SPIDR: variants seen among roughly 807,000 people sequenced by gnomAD.
SPIDR encodes the protein DNA repair-scaffolding protein.
Under a neutral mutation model 104.6 loss-of-function variants are expected in SPIDR, and 93 were observed. The observed-to-expected ratio is 0.89, with a 90% CI of 0.75 to 1.06. SPIDR has a LOEUF of 1.06. Among genes scored for constraint, SPIDR ranks in the 50% least tolerant of loss-of-function variants. The probability of loss-of-function intolerance (pLI) is 0.00; values close to 1 mark genes in which losing one functional copy is unlikely to be tolerated. For missense variants in SPIDR, 1,154 were observed against 1,111.2 expected (o/e 1.04, Z -0.55); for synonymous variants, 431 against 416.9 (o/e 1.03, Z -0.41).
intron 8 of SPIDR, among the ~76,000 whole-genome samples, chr8:47,492,016 C>T (rs2078801491): frequency 6.6e-6 from 1 of 152,184 alleles, no homozygotes; most frequent in Admixed American, 6.5e-5. Flanking sequence ...TTATGGTTAA[C>T]CATGTGACAC....
chr8:47,503,789 T>C (rs11780811), intron 8 of SPIDR, among the ~76,000 whole-genome samples: 14,792 of 152,174 alleles, frequency 0.097, 951 homozygotes, highest in Non-Finnish European at 0.14. Context: ...TTCCTTTCCA[T>C]GTTTAGTGCT....
At chr8:47,298,065 C>G (rs1193908556) in intron 5 of SPIDR, among the ~76,000 whole-genome samples, 2,750 of 152,238 alleles carry the variant, frequency 0.018, 83 homozygotes, top group African/African-American at 0.064. Context: ...CTAGTTTACA[C>G]TCCCACCAAC....
At position 47,735,739 on chromosome 8, in the gene SPIDR, A is replaced by G; in HGVS notation, c.*289A>G. On this transcript the variant is annotated 3_prime_UTR_variant, in exon 20 of 20. Transcript: ENST00000297423. The stretch of plus-strand genomic sequence containing the variant: ...TCTTCATTTGGTATTTAGGCAATAT[A>G]TGAGAAAAAAATTTTTTTTGTTCAT... 2 of 649,052 alleles carry G rather than the reference A, an allele frequency of 3.1e-6. No individual in the cohort carries two copies. The highest frequency in any genetic ancestry group is 2.2e-5 in the South Asian group (1 of 44,650). 40.2% of individuals were successfully genotyped at this position (649,052 alleles called of 1,614,324 possible). A position where few individuals can be genotyped will look rare whatever the true frequency, so the allele number is the denominator to read the frequency against.
intron 8 of SPIDR, among the ~76,000 whole-genome samples, chr8:47,453,385 C>G (rs927639216): frequency 1.4e-4 from 21 of 152,088 alleles, no homozygotes; most frequent in Non-Finnish European, 1.3e-4. Flanking sequence ...TCATATGGAA[C>G]CAGAGGGGAG....
At chr8:47,435,433 C>G (rs2068117294) in intron 7 of SPIDR, among the ~76,000 whole-genome samples, 1 of 152,002 alleles carries the variant, frequency 6.6e-6, no homozygotes, top group South Asian at 2.1e-4. Context: ...AGTTATTCAG[C>G]AAATGTTGTT....
intron 10 of SPIDR, among the ~76,000 whole-genome samples, chr8:47,639,197 A>T (rs1219702455): frequency 2.0e-5 from 3 of 152,186 alleles, no homozygotes. Flanking sequence ...AGTACATGGG[A>T]GGGAAGGTGG....
At chr8:47,355,888 C>T (rs778021641) in intron 5 of SPIDR, among the ~76,000 whole-genome samples, 5 of 152,152 alleles carry the variant, frequency 3.3e-5, no homozygotes, top group Non-Finnish European at 5.9e-5. Flanking sequence ...CTCCCACTTC[C>T]CCGTGGTGGC....
At chr8:47,405,338 GTA>G (rs1187948263) in intron 6 of SPIDR, among the ~76,000 whole-genome samples, 20 of 151,400 alleles carry the variant, frequency 1.3e-4, no homozygotes, top group Non-Finnish European at 2.5e-4. Context: ...ATGTGTGTGT[GTA>G]TATATATATG....
At chr8:47,577,234 A>T (rs7817202) in intron 8 of SPIDR, among the ~76,000 whole-genome samples, 1,806 of 152,352 alleles carry the variant, frequency 0.012, 44 homozygotes, top group African/African-American at 0.041. Flanking sequence ...TAAACTGTTC[A>T]TGTCAACAAG....
rs149183827 is a variant in SPIDR at position 47,363,773 on chromosome 8, C to T, written c.526-32603C>T. Among the ~76,000 whole-genome samples the T allele has an allele frequency of 1.6e-3, 249 of 151,668 alleles. 1 individual carries two copies. The highest frequency in any genetic ancestry group is 2.7e-3 in the Non-Finnish European group (186 of 67,926). On this transcript the variant is annotated intron_variant, in intron 5 of 19. Transcript: ENST00000297423. Reference sequence around the variant, plus strand: ...TTCAGTTTGGGGACCCCTGAGCTCACGTTCTAGTTAGGAGGGTGTGGTGGC... The same window carrying T: ...TTCAGTTTGGGGACCCCTGAGCTCATGTTCTAGTTAGGAGGGTGTGGTGGC...
chr8:47,515,323 T>C (rs1158412553), intron 8 of SPIDR, among the ~76,000 whole-genome samples: 1 of 152,260 alleles, frequency 6.6e-6, no homozygotes, highest in Non-Finnish European at 1.5e-5. Context: ...GATTGTTCTC[T>C]GCTTTTTTAA....
rs766287284 is a variant in SPIDR at position 47,673,904 on chromosome 8, G to A, written c.1648G>A (p.Val550Met). 4 of 1,614,116 alleles carry A rather than the reference G, an allele frequency of 2.5e-6. No homozygotes were observed. Among genetic ancestry groups the A allele is most frequent in the East Asian group, 2.2e-5 (1 of 44,864 alleles). ...RQLEGKSCSLVGMKVLQKVTR... is the reference protein window; with the variant it reads ...RQLEGKSCSLMGMKVLQKVTR... ...GTTGGAAGGGAAGTCTTGCAGCCTG[G>A]TGGGAATGAAGGTTCTACAGAAAGT... is the stretch of plus-strand genomic sequence containing the variant. Residue 550 changes from valine to methionine, a missense_variant, in exon 11 of 20, where the codon GTG (valine) becomes ATG (methionine). Val to Met is a conservative substitution (Grantham distance 21). Transcript: ENST00000297423.
chr8:47,596,453 C>T (rs1280819358), intron 9 of SPIDR, among the ~76,000 whole-genome samples: 2 of 151,936 alleles, frequency 1.3e-5, no homozygotes, highest in Non-Finnish European at 2.9e-5. Flanking sequence ...TGTATGTAAA[C>T]GTATCTAAAC....
At chr8:47,385,628 G>A (rs1197712880) in intron 5 of SPIDR, among the ~76,000 whole-genome samples, 3 of 152,242 alleles carry the variant, frequency 2.0e-5, no homozygotes, top group Admixed American at 2.0e-4. Flanking sequence ...GGTTCCCAGG[G>A]AGACTGATCA....
At chr8:47,545,103 CT>C (rs2089048286) in intron 8 of SPIDR, among the ~76,000 whole-genome samples, 2 of 132,962 alleles carry the variant, frequency 1.5e-5, no homozygotes, top group East Asian at 2.1e-4. Context: ...TTCTTTCTTT[CT>C]TTCTTTCTTT....
chr8:47,292,009 G>A (rs902754604), intron 4 of SPIDR, among the ~76,000 whole-genome samples: 10 of 152,226 alleles, frequency 6.6e-5, no homozygotes, highest in African/African-American at 1.9e-4. Flanking sequence ...TACCTGCCGG[G>A]TCACAGTAGA....
At chr8:47,370,385 G>A (rs2057828458) in intron 5 of SPIDR, among the ~76,000 whole-genome samples, 3 of 149,744 alleles carry the variant, frequency 2.0e-5, no homozygotes, top group African/African-American at 7.4e-5. Flanking sequence ...TTTTTCTGCT[G>A]TTGTTATTTA....
At position 47,647,394 on chromosome 8, in the gene SPIDR, C is replaced by T. The variant is rs574491874; in HGVS notation, c.1545-26407C>T. 3.0e-3 allele frequency among the ~76,000 whole-genome samples: 453 copies of T among 152,248 alleles called. 3 individuals are homozygous for T. Among genetic ancestry groups the T allele is most frequent in the African/African-American group, 0.011 (443 of 41,552 alleles). On this transcript the variant is annotated intron_variant, in intron 10 of 19. Coordinates refer to ENST00000297423, the MANE Select transcript of SPIDR (RefSeq NM_001080394.4). ...CTTTGGGAGGCCGAGGTGGGTGGAT[C>T]CCCTGAGATCAGGAGTTCGAGACCA... is the stretch of plus-strand genomic sequence containing the variant.
chr8:47,648,579 A>G (rs894262615), intron 10 of SPIDR, among the ~76,000 whole-genome samples: 1 of 152,180 alleles, frequency 6.6e-6, no homozygotes, highest in African/African-American at 2.4e-5. Context: ...GTGATACGTC[A>G]GTAGCAATGA....
Sources: allele counts gnomAD v4.1 joint callset (sites outside exome capture counted in the v4.1 genomes callset), GRCh38; gene constraint gnomAD v4.1.1; transcripts MANE v1.5; gene names NCBI Gene and HGNC (gene_info 2026-07-23, HGNC 2026-07-21).